The following CTNNA3 variants were observed in gnomAD, a reference collection of about 807,000 sequenced individuals.
The protein encoded by CTNNA3 is catenin alpha-3.
Under a neutral mutation model 95.7 loss-of-function variants are expected in CTNNA3, and 76 were observed. That is an observed-to-expected ratio of 0.79 (90% confidence interval 0.66 to 0.96). CTNNA3 has a LOEUF of 0.96. Ranked by LOEUF, CTNNA3 falls within the 40% of genes least tolerant of loss-of-function variation. CTNNA3 has a pLI of 0.00. For synonymous variants in CTNNA3, 431 were observed against 374.4 expected (o/e 1.15, Z -1.74); for missense variants, 1,191 against 1,089.8 (o/e 1.09, Z -1.31).
chr10:67,311,939 T>C (rs1217609977), intron 5 of CTNNA3, among the ~76,000 whole-genome samples: 3 of 151,912 alleles, frequency 2.0e-5, no homozygotes, highest in Admixed American at 6.6e-5. Flanking sequence ...TATATCAACT[T>C]TTTAGTCACA....
rs2077066512 is a variant in CTNNA3 at position 65,920,483 on chromosome 10, A to T, written c.2535T>A (p.Val845=). 3 of 1,614,026 alleles carry T rather than the reference A, an allele frequency of 1.9e-6. No homozygotes were observed. Among genetic ancestry groups the T allele is most frequent in the Non-Finnish European group, 2.5e-6 (3 of 1,179,990 alleles). ...IQSPAGPRHP[V]VMWRMKAPAK... Reference sequence around the variant, plus strand: ...CAGGAGCCTTCATTCTCCACATCACAACTGGGTGCCGGGGCCCAGCAGGAC... The same window carrying T: ...CAGGAGCCTTCATTCTCCACATCACTACTGGGTGCCGGGGCCCAGCAGGAC... Residue 845 remains valine, a synonymous_variant, in exon 18 of 18, where the codon GTT becomes GTA. Transcript: ENST00000433211.
At chr10:66,572,040 C>G (rs1460086101) in intron 10 of CTNNA3, among the ~76,000 whole-genome samples, 3 of 150,526 alleles carry the variant, frequency 2.0e-5, no homozygotes, top group Non-Finnish European at 3.0e-5. Flanking sequence ...AACTTACGGA[C>G]ATCTTTTCAT....
intron 5 of CTNNA3, among the ~76,000 whole-genome samples, chr10:67,288,875 G>T (rs989951229): frequency 5.3e-5 from 8 of 152,114 alleles, no homozygotes; most frequent in African/African-American, 1.7e-4. Flanking sequence ...AGGGCAGGAG[G>T]ATTGCATGAA....
intron 7 of CTNNA3, among the ~76,000 whole-genome samples, chr10:66,784,530 T>G (rs890455183): frequency 5.3e-5 from 8 of 152,132 alleles, no homozygotes; most frequent in African/African-American, 1.9e-4. Flanking sequence ...TCAAAGATAG[T>G]CTCTCCCTTT....
chr10:67,038,885 T>C (rs1187737160), intron 7 of CTNNA3, among the ~76,000 whole-genome samples: 1 of 152,080 alleles, frequency 6.6e-6, no homozygotes, highest in Non-Finnish European at 1.5e-5. Context: ...CATACAAATT[T>C]AGTAGAAAGG....
intron 9 of CTNNA3, among the ~76,000 whole-genome samples, chr10:66,630,048 C>T (rs1378015378): frequency 1.3e-5 from 2 of 152,072 alleles, no homozygotes; most frequent in African/African-American, 4.8e-5. Flanking sequence ...GCATACATTT[C>T]CCCAGATTTA....
intron 10 of CTNNA3, among the ~76,000 whole-genome samples, chr10:66,593,168 A>G (rs932007395): frequency 1.2e-4 from 19 of 152,146 alleles, no homozygotes; most frequent in African/African-American, 4.3e-4. Context: ...AAGCCAATTC[A>G]TAGGATCTTG....
rs564676522 is a variant in CTNNA3 at position 66,817,442 on chromosome 10, G to C, written c.1048-41918C>G. ...TTAGACTGGCCAACAACAAAAAAGA[G>C]AGAATTCTCAAATTACCAAAATCAG... On this transcript the variant is annotated intron_variant, in intron 7 of 17. Coordinates refer to ENST00000433211, the MANE Select transcript of CTNNA3 (RefSeq NM_013266.4). Among the ~76,000 whole-genome samples the C allele has an allele frequency of 1.7e-3, 260 of 151,932 alleles. 1 individual carries two copies. The highest frequency in any genetic ancestry group is 2.7e-3 in the Non-Finnish European group (184 of 67,822).
chr10:67,001,370 G>C (rs1851682309), intron 7 of CTNNA3, among the ~76,000 whole-genome samples: 1 of 151,004 alleles, frequency 6.6e-6, no homozygotes, highest in South Asian at 2.1e-4. Context: ...AATCTGGGCT[G>C]TGAGTTCACT....
At chr10:66,274,057 T>C (rs1265867329) in intron 13 of CTNNA3, among the ~76,000 whole-genome samples, 1 of 152,070 alleles carries the variant, frequency 6.6e-6, no homozygotes, top group Non-Finnish European at 1.5e-5. Flanking sequence ...AGGCAGGATT[T>C]TCGTAAAGGC....
At chr10:66,418,556 G>C (rs1005354084) in intron 11 of CTNNA3, among the ~76,000 whole-genome samples, 3 of 144,492 alleles carry the variant, frequency 2.1e-5, no homozygotes, top group South Asian at 2.2e-4. Flanking sequence ...AGCACACAGG[G>C]ACACACACAC....
Position 66,977,008 on chromosome 10 carries a change from C to T in CTNNA3, c.1048-201484G>A, listed in dbSNP as rs577741119. On this transcript the variant is annotated intron_variant, in intron 7 of 17. Coordinates refer to ENST00000433211, the MANE Select transcript of CTNNA3 (RefSeq NM_013266.4). ...GGTGAAAATCAATGTAATTTTATAT[C>T]TACAAATGCTTCCAGGAGAATTAGC... Among the ~76,000 whole-genome samples the T allele has an allele frequency of 6.6e-5, 10 of 152,196 alleles. No individual in the cohort carries two copies. The South Asian group carries it at 2.1e-3, about 32-fold the overall frequency.
At position 66,589,992 on chromosome 10, in the gene CTNNA3, T is replaced by C. The variant is rs572635806; in HGVS notation, c.1374+31700A>G. The stretch of plus-strand genomic sequence containing the variant: ...TGCTCTTAAGGAGTATAAAGAAATA[T>C]TGAAAGGAGTAAGATTTTTTGAAAA... On this transcript the variant is annotated intron_variant, in intron 10 of 17. Transcript: ENST00000433211. 7.2e-4 allele frequency among the ~76,000 whole-genome samples: 109 copies of C among 152,170 alleles called. 2 individuals are homozygous for C. Among genetic ancestry groups the C allele is most frequent in the Middle Eastern group, 6.8e-3 (2 of 294 alleles).
chr10:66,277,557 A>C (rs2091421098), intron 13 of CTNNA3, among the ~76,000 whole-genome samples: 1 of 152,144 alleles, frequency 6.6e-6, no homozygotes, highest in African/African-American at 2.4e-5. Context: ...TAAGAAAAAA[A>C]CGGATAGATT....
Position 67,225,039 on chromosome 10 carries a change from G to A in CTNNA3, c.580-5169C>T, listed in dbSNP as rs180960778. ...CAGACTTGGGGCTGTTTGGGGGCAC[G>A]GTGGGAGTGAGACCAGCCCTTTGGT... On this transcript the variant is annotated intron_variant, in intron 5 of 17. Coordinates refer to ENST00000433211, the MANE Select transcript of CTNNA3 (RefSeq NM_013266.4). Among the ~76,000 whole-genome samples, 3 of 152,268 alleles carry A rather than the reference G, an allele frequency of 2.0e-5. No homozygotes were observed. In the East Asian group the frequency reaches 5.8e-4, roughly 29 times the overall value.
intron 5 of CTNNA3, among the ~76,000 whole-genome samples, chr10:67,372,414 G>A (rs1468502519): frequency 6.6e-6 from 1 of 152,058 alleles, no homozygotes; most frequent in Non-Finnish European, 1.5e-5. Context: ...AGCGTGAAGA[G>A]AAGTTTAGAG....
At chr10:66,819,805 A>G (rs969441323) in intron 7 of CTNNA3, among the ~76,000 whole-genome samples, 1 of 152,192 alleles carries the variant, frequency 6.6e-6, no homozygotes, top group Non-Finnish European at 1.5e-5. Flanking sequence ...AACCACTAAT[A>G]TGACTATAAT....
At chr10:67,202,433 C>T (rs1488336692) in intron 6 of CTNNA3, among the ~76,000 whole-genome samples, 1 of 152,098 alleles carries the variant, frequency 6.6e-6, no homozygotes, top group Non-Finnish European at 1.5e-5. Context: ...CTATGATCCA[C>T]ACTACTAACC....
At chr10:66,858,960 G>T (rs1423450463) in intron 7 of CTNNA3, among the ~76,000 whole-genome samples, 1 of 151,820 alleles carries the variant, frequency 6.6e-6, no homozygotes. Flanking sequence ...ATTCCAGATT[G>T]TATTTTATCT....
Sources: allele counts gnomAD v4.1 joint callset (sites outside exome capture counted in the v4.1 genomes callset), GRCh38; gene constraint gnomAD v4.1.1; transcripts MANE v1.5; gene names NCBI Gene and HGNC (gene_info 2026-07-23, HGNC 2026-07-21).